Variants in RHNO1 observed in about 807,000 individuals in gnomAD.
RHNO1 encodes RAD9-HUS1-RAD1 interacting nuclear orphan 1.
In RHNO1, 9 loss-of-function variants were observed where a neutral mutation model predicts 7.2. That is an observed-to-expected ratio of 1.25 (90% CI 0.75 to 2.18). The LOEUF is 2.18. Among genes scored for constraint, RHNO1 ranks in the 30% most tolerant of loss-of-function variants. RHNO1 has a pLI of 0.00. For missense variants in RHNO1, 292 were observed against 284.5 expected, an observed-to-expected ratio of 1.03 and a Z score of -0.19; for synonymous variants, 95 against 107.5, an observed-to-expected ratio of 0.88 and a Z score of 0.72.
rs1402081302 is a variant in RHNO1, at chr12:2,888,527, G to GGTTTTT, written c.*82_*87dup. On this transcript the variant is annotated 3_prime_UTR_variant, in exon 3 of 3. Coordinates refer to ENST00000489288, the MANE Select transcript of RHNO1 (RefSeq NM_001252499.3). Reference sequence around the variant, plus strand: ...AGTCATAAAGGAATTCAATTCCTAGGGTTTTTGTTTTTGTTTTTGAGATGT... The same window carrying GGTTTTT: ...AGTCATAAAGGAATTCAATTCCTAGGGTTTTTGTTTTTGTTTTTGTTTTTGAGATGT... 14 of 1,405,648 alleles carry GGTTTTT rather than the reference G, an allele frequency of 1.0e-5. No homozygotes were observed. The African/African-American group carries it at 1.1e-4, about 12-fold the overall frequency. The allele number at this position is 1,405,648 out of a possible 1,614,324, so 87.1% of individuals were successfully genotyped here.
chr12:2,885,268 G>A lies in RHNO1; in HGVS notation c.-84-15G>A. On this transcript the variant is annotated splice_polypyrimidine_tract_variant and intron_variant, in intron 1 of 2. Coordinates refer to ENST00000489288, the MANE Select transcript of RHNO1 (RefSeq NM_001252499.3). Reference sequence around the variant, plus strand: ...TCTGAATTATTTGCTCCCAGCTTTTGTTTCTTCTCTACAGGCATGGGTTGG... The same window carrying A: ...TCTGAATTATTTGCTCCCAGCTTTTATTTCTTCTCTACAGGCATGGGTTGG... 2 of 1,062,886 alleles carry A rather than the reference G, an allele frequency of 1.9e-6. No homozygotes were observed. The highest frequency in any genetic ancestry group is 1.4e-6 in the Non-Finnish European group (1 of 730,920). 65.8% of individuals were successfully genotyped at this position (1,062,886 alleles called of 1,614,324 possible). A position where few individuals can be genotyped will look rare whatever the true frequency, so the allele number is the denominator to read the frequency against.
rs761613588 is a variant in RHNO1, at chr12:2,888,478, A to G, written c.*19A>G. 2.0e-6 allele frequency: 3 copies of G among 1,529,486 alleles called. No individual in the cohort carries two copies. The highest frequency in any genetic ancestry group is 2.6e-6 in the Non-Finnish European group (3 of 1,141,426). The allele number at this position is 1,529,486 out of a possible 1,614,324, so 94.7% of individuals were successfully genotyped here. On this transcript the variant is annotated 3_prime_UTR_variant, in exon 3 of 3. Coordinates refer to ENST00000489288, the MANE Select transcript of RHNO1 (RefSeq NM_001252499.3). The stretch of plus-strand genomic sequence containing the variant: ...AAGCTGACTGCCATCAGTAATCTCA[A>G]TAGAAAAGAGATATGTTTTCTGGAG...
intron 1 of RHNO1, among the ~76,000 whole-genome samples, chr12:2,879,482 G>A (rs1256954065): frequency 3.3e-5 from 5 of 151,828 alleles, no homozygotes; most frequent in East Asian, 1.9e-4. Context: ...ACAGGTGCAC[G>A]CAGCCGTGCC....
intron 2 of RHNO1, 131 bp from the exon 3 acceptor site, chr12:2,887,780 T>G: frequency 1.4e-6 from 1 of 690,578 alleles, no homozygotes; most frequent in Non-Finnish European, 2.3e-6. Context: ...TATTATGCCA[T>G]TAGACAGTTA....
intron 1 of RHNO1, among the ~76,000 whole-genome samples, chr12:2,880,937 C>T (rs1266085097): frequency 6.6e-6 from 1 of 152,010 alleles, no homozygotes; most frequent in African/African-American, 2.4e-5. Context: ...CTGCACCTAG[C>T]TTGGAGAAGT....
chr12:2,887,594 G>A (rs1300826930), intron 2 of RHNO1, among the ~76,000 whole-genome samples: 1 of 152,074 alleles, frequency 6.6e-6, no homozygotes, highest in East Asian at 1.9e-4. Flanking sequence ...GTTGCAATGA[G>A]CCGAGATGGT....
intron 1 of RHNO1, among the ~76,000 whole-genome samples, chr12:2,880,091 A>G (rs1316355925): frequency 6.6e-6 from 1 of 151,978 alleles, no homozygotes; most frequent in African/African-American, 2.4e-5. Flanking sequence ...AGGGAGGAGA[A>G]TCACTTGAGC....
intron 2 of RHNO1, chr12:2,885,735 C>T (rs1295059981): frequency 5.1e-5 from 23 of 450,722 alleles, no homozygotes; most frequent in South Asian, 2.2e-4. Flanking sequence ...CCACCACGCC[C>T]GGCTAATTTT....
rs2098164815 is a variant in RHNO1 at position 2,885,727 on chromosome 12, A to C, written c.168+193A>C. On this transcript the variant is annotated intron_variant, in intron 2 of 2. Transcript: ENST00000489288. ...GGAGCTGGAACTACAGGCACCCGCC[A>C]CCACGCCCGGCTAATTTTTTTGTAT... 6.3e-6 allele frequency: 3 copies of C among 475,932 alleles called. No homozygotes were observed. The East Asian group carries it at 1.1e-4, about 17-fold the overall frequency. 29.5% of individuals were successfully genotyped at this position (475,932 alleles called of 1,614,324 possible).
intron 1 of RHNO1, 58 bp downstream of exon 1, chr12:2,877,340 G>C (rs1298787579): frequency 6.6e-6 from 1 of 152,198 alleles, no homozygotes; most frequent in African/African-American, 2.4e-5. Context: ...GCCGGGGAGG[G>C]GCCGGAGGGG....
Position 2,885,336 on chromosome 12 carries a change from T to C in RHNO1, c.-31T>C, listed in dbSNP as rs2098163938. 6 of 1,598,544 alleles carry C rather than the reference T, an allele frequency of 3.8e-6. No individual in the cohort carries two copies. In the South Asian group the frequency reaches 6.7e-5, roughly 18 times the overall value. ...CAACCCGAAGGCTAACAGCATCATG[T>C]GGTTACTAACTGTTCCTCATTCACC... On this transcript the variant is annotated 5_prime_UTR_variant, in exon 2 of 3. Transcript: ENST00000489288.
In RHNO1 at chr12:2,882,278, CAATAAATAAATAAATA is replaced by C. The variant is rs57480121; in HGVS notation, c.-84-2982_-84-2967del. Among the ~76,000 whole-genome samples, 472 of 147,036 alleles carry C rather than the reference CAATAAATAAATAAATA, an allele frequency of 3.2e-3. 6 individuals are homozygous for C. The highest frequency in any genetic ancestry group is 0.011 in the African/African-American group (450 of 39,530). Reference sequence around the variant, plus strand: ...GCAACAAAGCAAGACCCTGTCTCTACAATAAATAAATAAATAAATAAATAAATAAATAAATAAAACT... The same window carrying C: ...GCAACAAAGCAAGACCCTGTCTCTACAATAAATAAATAAATAAATAAAACT... On this transcript the variant is annotated intron_variant, in intron 1 of 2. Transcript: ENST00000489288.
At chr12:2,886,844 A>T in intron 2 of RHNO1, 2 of 410,986 alleles carry the variant, frequency 4.9e-6, no homozygotes, top group Non-Finnish European at 1.0e-5. Context: ...AAGAAACCTA[A>T]ACATCAGAAT....
At position 2,885,487 on chromosome 12, in the gene RHNO1, CG is replaced by C; in HGVS notation, c.122del (p.Arg41HisfsTer54). On this transcript the variant is annotated frameshift_variant, in exon 2 of 3. Transcript: ENST00000489288. LOFTEE classifies it low-confidence loss of function (END_TRUNC). ...ASTQLPITHT[R>X]QVPSKPIDHS... ...TACACAGCTTCCCATCACTCACACTCGACAGGTGCCCAGCAAGCCCATTGAC... is the reference window on the plus strand; with the variant it reads ...TACACAGCTTCCCATCACTCACACTCACAGGTGCCCAGCAAGCCCATTGAC... 2 of 1,613,554 alleles carry C rather than the reference CG, an allele frequency of 1.2e-6. No homozygotes were observed. The highest frequency in any genetic ancestry group is 1.7e-6 in the Non-Finnish European group (2 of 1,179,912).
Position 2,883,489 on chromosome 12 carries a change from ATATATATATATATATATATATATTTTTT to A in RHNO1, c.-84-1792_-84-1765del, listed in dbSNP as rs2098161015. On this transcript the variant is annotated intron_variant, in intron 1 of 2. Coordinates refer to ENST00000489288, the MANE Select transcript of RHNO1 (RefSeq NM_001252499.3). The stretch of plus-strand genomic sequence containing the variant: ...TGGGAAGGATAGAATATATATATAT[ATATATATATATATATATATATATTTTTT>A]TTTTTTTTTTTTTTTTTGAGACGGA... Among the ~76,000 whole-genome samples the A allele has an allele frequency of 2.1e-4, 4 of 19,016 alleles. No homozygotes were observed. In the Admixed American group the frequency reaches 3.3e-3, roughly 15 times the overall value. 12.5% of individuals were successfully genotyped at this position (19,016 alleles called of 152,430 possible).
upstream of RHNO1, chr12:2,876,343 A>C (rs942565198): frequency 2.6e-5 from 4 of 151,872 alleles, no homozygotes; most frequent in African/African-American, 7.3e-5. Context: ...CTCTTTTTCC[A>C]CAGGATATCT....
At chr12:2,881,598 T>C (rs1230719596) in intron 1 of RHNO1, among the ~76,000 whole-genome samples, 2 of 152,024 alleles carry the variant, frequency 1.3e-5, no homozygotes, top group Admixed American at 6.6e-5. Flanking sequence ...TTCTATAAGA[T>C]GTTAGTTCCT....
chr12:2,886,203 A>T (rs1429587261), intron 2 of RHNO1: 2 of 152,240 alleles, frequency 1.3e-5, no homozygotes, highest in Admixed American at 1.3e-4. Flanking sequence ...TGCCAGATAA[A>T]TGGCAGAACA....
At chr12:2,879,871 CTAAT>C (rs1387146057) in intron 1 of RHNO1, among the ~76,000 whole-genome samples, 1 of 151,928 alleles carries the variant, frequency 6.6e-6, no homozygotes, top group African/African-American at 2.4e-5. Flanking sequence ...GAACTGACCT[CTAAT>C]TAGAGCAGAA....
Sources: allele counts gnomAD v4.1 joint callset (sites outside exome capture counted in the v4.1 genomes callset), GRCh38; gene constraint gnomAD v4.1.1; transcripts MANE v1.5; gene names NCBI Gene and HGNC (gene_info 2026-07-23, HGNC 2026-07-21).